Variants in CC2D1B observed in about 807,000 individuals in gnomAD.
CC2D1B encodes the protein coiled-coil and C2 domain-containing protein 1B.
A neutral mutation model predicts 110.8 loss-of-function variants in CC2D1B; 92 were observed. The ratio of observed to expected loss-of-function variants is 0.83; its 90% CI spans 0.70 to 0.99. The LOEUF is 0.99. Ranked by LOEUF, CC2D1B falls within the 50% of genes least tolerant of loss-of-function variation. The probability of loss-of-function intolerance (pLI) is 0.00; values close to 1 mark genes in which losing one functional copy is unlikely to be tolerated. For synonymous variants in CC2D1B, 406 were observed against 429.2 expected (o/e 0.95, Z 0.67); for missense variants, 1,136 against 1,089.0 (o/e 1.04, Z -0.61).
At chr1:52,358,967 C>CA in intron 11 of CC2D1B, 60 bp downstream of exon 11, 1 of 1,588,046 alleles carries the variant, frequency 6.3e-7, no homozygotes, top group Non-Finnish European at 8.6e-7. Context: ...ACCAGGGAGA[C>CA]AGAGCACCCA....
At chr1:52,358,127 C>T (rs1263828145) in intron 13 of CC2D1B, 11 of 910,586 alleles carry the variant, frequency 1.2e-5, no homozygotes, top group African/African-American at 8.4e-5. Context: ...GGGATGGAGC[C>T]GGGGCTCTGG....
rs768007121 is a variant in CC2D1B, at chr1:52,362,588, G to A, written c.214+14C>T. On this transcript the variant is annotated intron_variant, in intron 3 of 24. Transcript: ENST00000284376. Reference sequence around the variant, plus strand: ...TTGTCCCAGCACCAAGACCAGCCCTGTGTCCAAACTCACCCTGCCCCTTGG... The same window carrying A: ...TTGTCCCAGCACCAAGACCAGCCCTATGTCCAAACTCACCCTGCCCCTTGG... 6 of 1,614,008 alleles carry A rather than the reference G, an allele frequency of 3.7e-6. No individual in the cohort carries two copies. The South Asian group carries it at 5.5e-5, about 15-fold the overall frequency.
rs775334044 is a variant in CC2D1B at position 52,359,734 on chromosome 1, G to A, written c.913C>T (p.Arg305Cys). ...LSAKRAGELDRARELMRIGKR... is the reference protein window; with the variant it reads ...LSAKRAGELDCARELMRIGKR... ...CCAATCCTCATGAGCTCTCGGGCAC[G>A]GTCTAGCTCTCCAGCCCGCTTGGCA... The change falls in exon 8 of 25, where the codon CGT (arginine) becomes TGT (cysteine). Residue 305 changes from arginine to cysteine, a missense_variant. Transcript: ENST00000284376. 7.6e-5 allele frequency: 123 copies of A among 1,608,046 alleles called. 2 individuals carry two copies. In the South Asian group the frequency reaches 1.1e-3, roughly 14 times the overall value.
rs1646730641 is a variant in CC2D1B at position 52,359,454 on chromosome 1, C to T, written c.1018+5G>A. ...CCACCGCAGCCTGAGAAGATACATA[C>T]TGACCCTCAGGTGCCGGGGGCATGG... On this transcript the variant is annotated splice_donor_5th_base_variant and intron_variant, in intron 9 of 24. Coordinates refer to ENST00000284376, the MANE Select transcript of CC2D1B (RefSeq NM_001330585.2). 6.2e-7 allele frequency: 1 copy of T among 1,613,968 alleles called. No individual in the cohort carries two copies. The highest frequency in any genetic ancestry group is 8.5e-7 in the Non-Finnish European group (1 of 1,179,988).
rs1336377068 is a variant in CC2D1B, at chr1:52,356,443, C to A, written c.1879-1G>T. 1 of 1,614,210 alleles carries A rather than the reference C, an allele frequency of 6.2e-7. No homozygotes were observed. ...ACTGCTTGGAGAACAGCAGGCACTTCTGAAAATAGAGGCCCAGAGTGACTC... is the reference window on the plus strand; with the variant it reads ...ACTGCTTGGAGAACAGCAGGCACTTATGAAAATAGAGGCCCAGAGTGACTC... On this transcript the variant is annotated splice_acceptor_variant, in intron 16 of 24. Coordinates refer to ENST00000284376, the MANE Select transcript of CC2D1B (RefSeq NM_001330585.2). LOFTEE classifies it high-confidence loss of function.
In CC2D1B at chr1:52,360,474, T is replaced by C. The variant is rs1342561207; in HGVS notation, c.553A>G (p.Lys185Glu). ...HNYREAAASA[K>E]EAGEAAKARR... is the part of the protein sequence containing the mutation. ...GCTTTGGCTGCTTCGCCTGCCTCCT[T>C]GGCACTGGCCGCAGCCTCTCGGTAG... Residue 185 changes from lysine to glutamate, a missense_variant, in exon 6 of 25, where the codon AAG (lysine) becomes GAG (glutamate). Lys to Glu is a moderately conservative substitution (Grantham distance 56, BLOSUM62 1). Coordinates refer to ENST00000284376, the MANE Select transcript of CC2D1B (RefSeq NM_001330585.2). 1 of 1,614,048 alleles carries C rather than the reference T, an allele frequency of 6.2e-7. No homozygotes were observed. Among genetic ancestry groups the C allele is most frequent in the Admixed American group, 1.7e-5 (1 of 60,026 alleles).
In CC2D1B at chr1:52,359,712, A is replaced by G. The variant is rs755383036; in HGVS notation, c.935T>C (p.Ile312Thr). ...CTGAGCCAGATGCCATACCTTCCCA[A>G]TCCTCATGAGCTCTCGGGCACGGTC... ...ELDRARELMR[I>T]GKRFGAVLEA... is the part of the protein sequence containing the mutation. Residue 312 changes from isoleucine to threonine, a missense_variant, in exon 8 of 25, where the codon ATT becomes ACT. By Grantham distance (89) the Ile-to-Thr change is moderately conservative (BLOSUM62 -1). Coordinates refer to ENST00000284376, the MANE Select transcript of CC2D1B (RefSeq NM_001330585.2). 1 of 1,601,044 alleles carries G rather than the reference A, an allele frequency of 6.2e-7. No homozygotes were observed. The highest frequency in any genetic ancestry group is 2.3e-5 in the East Asian group (1 of 44,090).
chr1:52,353,100 A>C lies in CC2D1B; in HGVS notation c.*125T>G. ...GTCGTGGTCAGTAGTGCACATGCTT[A>C]ACAGGTCTTTGGTGCTTGGGTAGCA... On this transcript the variant is annotated 3_prime_UTR_variant, in exon 25 of 25. Coordinates refer to ENST00000284376, the MANE Select transcript of CC2D1B (RefSeq NM_001330585.2). The C allele has an allele frequency of 1.0e-6, 1 of 990,658 alleles. No homozygotes were observed. Among genetic ancestry groups the C allele is most frequent in the Non-Finnish European group, 1.4e-6 (1 of 703,168 alleles). The allele number at this position is 990,658 out of a possible 1,614,324, so 61.4% of individuals were successfully genotyped here.
At chr1:52,358,033 G>T in intron 13 of CC2D1B, 135 bp from the exon 14 acceptor site, 1 of 1,331,034 alleles carries the variant, frequency 7.5e-7, no homozygotes, top group Non-Finnish European at 1.0e-6. Flanking sequence ...CTCTTCCTGG[G>T]TCCTAAAAGA....
chr1:52,356,898 G>T, intron 16 of CC2D1B, 103 bp downstream of exon 16: 1 of 1,331,640 alleles, frequency 7.5e-7, no homozygotes, highest in Non-Finnish European at 1.0e-6. Flanking sequence ...AAGTGGAAGA[G>T]CTGAGAATTT....
At chr1:52,358,110 G>C (rs1216513182) in intron 13 of CC2D1B, 11 of 888,046 alleles carry the variant, frequency 1.2e-5, no homozygotes, top group Non-Finnish European at 1.8e-5. Flanking sequence ...GAGACTGCAG[G>C]GTAATGGGGA....
In CC2D1B at chr1:52,356,214, A is replaced by C; in HGVS notation, c.2026T>G (p.Phe676Val). 1 of 1,166,832 alleles carries C rather than the reference A, an allele frequency of 8.6e-7. No homozygotes were observed. Among genetic ancestry groups the C allele is most frequent in the Non-Finnish European group, 1.2e-6 (1 of 831,502 alleles). 72.3% of individuals were successfully genotyped at this position (1,166,832 alleles called of 1,614,324 possible). A position where few individuals can be genotyped will look rare whatever the true frequency, so the allele number is the denominator to read the frequency against. Reference sequence around the variant, plus strand: ...ACAGTCTGGAATGTCTTCAACTCAAAGTGGTGGGTGGGAGGGTCGAGGCCC... The same window carrying C: ...ACAGTCTGGAATGTCTTCAACTCAACGTGGTGGGTGGGAGGGTCGAGGCCC... ...AQGLDPPTHHFELKTFQTVRI... is the reference protein window; with the variant it reads ...AQGLDPPTHHVELKTFQTVRI... Residue 676 changes from phenylalanine (F) to valine (V), a missense_variant, in exon 18 of 25, where the codon TTT (phenylalanine) becomes GTT (valine). Coordinates refer to ENST00000284376, the MANE Select transcript of CC2D1B (RefSeq NM_001330585.2).
chr1:52,354,387 G>A, intron 23 of CC2D1B: 1 of 695,504 alleles, frequency 1.4e-6, no homozygotes, highest in Non-Finnish European at 2.6e-6. Context: ...TTGAGTTCAT[G>A]GAAACAAGGA....
rs1646603836 is a variant in CC2D1B at position 52,354,631 on chromosome 1, ACT to A, written c.2405_2406del (p.Glu802ValfsTer2). On this transcript the variant is annotated frameshift_variant, in exon 23 of 25. Coordinates refer to ENST00000284376, the MANE Select transcript of CC2D1B (RefSeq NM_001330585.2). LOFTEE classifies it high-confidence loss of function. ...ACCTCCACAATTTCTCTGATCTCAC[ACT>A]CATTCTCCAGCCGCTCCAGTTTCAG... ...AHLKLERLEN[E>X]CEIREIVEVL... 6.2e-7 allele frequency: 1 copy of A among 1,613,888 alleles called. No homozygotes were observed. Among genetic ancestry groups the A allele is most frequent in the African/African-American group, 1.3e-5 (1 of 74,844 alleles).
In CC2D1B at chr1:52,358,453, G is replaced by C; in HGVS notation, c.1339C>G (p.Pro447Ala). The change falls in exon 13 of 25, where the codon CCC (proline) becomes GCC (alanine). Residue 447 changes from proline to alanine, a missense_variant. Physicochemically the swap from Pro to Ala is conservative, Grantham distance 27. Coordinates refer to ENST00000284376, the MANE Select transcript of CC2D1B (RefSeq NM_001330585.2). ...AELPVPPGFP[P>A]IPGLESTMGV... is the part of the protein sequence containing the mutation. ...ATAGTGGACTCCAGGCCAGGGATGG[G>C]GGGAAATCCTGTGGGAGAGAGACAG... 1 of 1,613,804 alleles carries C rather than the reference G, an allele frequency of 6.2e-7. No individual in the cohort carries two copies. The highest frequency in any genetic ancestry group is 1.7e-5 in the Admixed American group (1 of 60,018).
At chr1:52,364,175 T>C (rs901136005) in intron 2 of CC2D1B, among the ~76,000 whole-genome samples, 2 of 151,924 alleles carry the variant, frequency 1.3e-5, no homozygotes, top group African/African-American at 4.8e-5. Flanking sequence ...AGGAAGAAAA[T>C]TGGAGAGGAG....
rs1465933143 is a variant in CC2D1B, at chr1:52,353,207, C to T, written c.*18G>A. The T allele has an allele frequency of 5.2e-6, 7 of 1,347,272 alleles. No homozygotes were observed. The highest frequency in any genetic ancestry group is 4.5e-5 in the Admixed American group (2 of 44,750). The allele number at this position is 1,347,272 out of a possible 1,614,324, so 83.5% of individuals were successfully genotyped here. Reference sequence around the variant, plus strand: ...GCACAGTCGCGGCCTGACTCCTCTCCTGGTGCTGGCCATCGGCTACACAGG... The same window carrying T: ...GCACAGTCGCGGCCTGACTCCTCTCTTGGTGCTGGCCATCGGCTACACAGG... On this transcript the variant is annotated 3_prime_UTR_variant, in exon 25 of 25. Transcript: ENST00000284376.
rs762329498 is a variant in CC2D1B, at chr1:52,360,203, T to G, written c.634A>C (p.Arg212=). 4 of 1,613,960 alleles carry G rather than the reference T, an allele frequency of 2.5e-6. No homozygotes were observed. The African/African-American group carries it at 5.3e-5, about 22-fold the overall frequency. Residue 212 remains arginine (R), a synonymous_variant, in exon 7 of 25, where the codon AGA becomes CGA. Transcript: ENST00000284376. ...TLESQLASVR[R]GRKINEDEIP... ...TCATCCTCATTGATCTTTCTGCCTCTCCTCACAGAGGCTAGCTGCGACTCC... is the reference window on the plus strand; with the variant it reads ...TCATCCTCATTGATCTTTCTGCCTCGCCTCACAGAGGCTAGCTGCGACTCC...
At position 52,360,984 on chromosome 1, in the gene CC2D1B, G is replaced by C; in HGVS notation, c.467C>G (p.Pro156Arg). 1 of 1,614,106 alleles carries C rather than the reference G, an allele frequency of 6.2e-7. No individual in the cohort carries two copies. Among genetic ancestry groups the C allele is most frequent in the Non-Finnish European group, 8.5e-7 (1 of 1,180,006 alleles). Reference sequence around the variant, plus strand: ...TCCTCCAGAACCCACCTGAGCTGCTGGGGCTGAAGCTGTCAGGACGGCTGT... The same window carrying C: ...TCCTCCAGAACCCACCTGAGCTGCTCGGGCTGAAGCTGTCAGGACGGCTGT... ...VQTAVLTASA[P>R]AAQAGASQGL... Residue 156 changes from proline to arginine, a missense_variant, in exon 5 of 25, where the codon CCA becomes CGA. Transcript: ENST00000284376.
Sources: allele counts gnomAD v4.1 joint callset (sites outside exome capture counted in the v4.1 genomes callset), GRCh38; gene constraint gnomAD v4.1.1; transcripts MANE v1.5; gene names NCBI Gene and HGNC (gene_info 2026-07-23, HGNC 2026-07-21).